Variants in SLC35F3 observed in about 807,000 individuals in gnomAD.
The protein encoded by SLC35F3 is putative thiamine transporter SLC35F3.
SLC35F3 carries 25 observed loss-of-function variants against 49.9 expected under a neutral mutation model. The ratio of observed to expected loss-of-function variants is 0.50; its 90% confidence interval spans 0.37 to 0.70. The LOEUF (loss-of-function observed/expected upper bound fraction) is 0.70, where lower values mean the gene tolerates loss of function less well. Among genes scored for constraint, SLC35F3 ranks in the 30% least tolerant of loss-of-function variants. SLC35F3 has a pLI of 0.00. For synonymous variants in SLC35F3, 275 were observed against 265.4 expected, an observed-to-expected ratio of 1.04 and a Z score of -0.35; for missense variants, 525 against 639.8, an observed-to-expected ratio of 0.82 and a Z score of 1.94.
chr1:234,310,258 G>A (rs762122885), intron 4 of SLC35F3, among the ~76,000 whole-genome samples: 5 of 152,134 alleles, frequency 3.3e-5, no homozygotes, highest in Admixed American at 2.0e-4. Context: ...GCTAAGAGCC[G>A]GTTTGAGGGG....
At chr1:234,058,370 G>T (rs1246838570) in intron 2 of SLC35F3, among the ~76,000 whole-genome samples, 6 of 111,836 alleles carry the variant, frequency 5.4e-5, no homozygotes, top group African/African-American at 2.8e-4. Flanking sequence ...AGTTAAACAG[G>T]GTCTCACCCT....
chr1:233,977,751 AAGTTGCCCAT>A (rs1383533977), intron 2 of SLC35F3, among the ~76,000 whole-genome samples: 3 of 152,140 alleles, frequency 2.0e-5, no homozygotes, highest in African/African-American at 7.2e-5. Context: ...TTTGCTTATT[AAGTTGCCCAT>A]AGTATTGCAG....
chr1:234,257,435 CTGATTTGATTT>C (rs1667837761), intron 3 of SLC35F3, among the ~76,000 whole-genome samples: 1 of 152,158 alleles, frequency 6.6e-6, no homozygotes, highest in Non-Finnish European at 1.5e-5. Flanking sequence ...CCATAGATTA[CTGATTTGATTT>C]TGTCTTTTTA....
intron 2 of SLC35F3, among the ~76,000 whole-genome samples, chr1:234,145,345 T>A (rs760113484): frequency 7.2e-5 from 11 of 152,316 alleles, no homozygotes; most frequent in Non-Finnish European, 1.0e-4. Context: ...ATTTAACTAG[T>A]CATCCAACAC....
intron 2 of SLC35F3, among the ~76,000 whole-genome samples, chr1:234,053,785 G>C (rs1572033957): frequency 6.6e-6 from 1 of 152,162 alleles, no homozygotes; most frequent in African/African-American, 2.4e-5. Context: ...GGTACCATTT[G>C]TTCCTTTCCA....
At chr1:233,977,119 A>G (rs1663105484) in intron 2 of SLC35F3, among the ~76,000 whole-genome samples, 1 of 152,162 alleles carries the variant, frequency 6.6e-6, no homozygotes, top group African/African-American at 2.4e-5. Context: ...CTCAGCCAGC[A>G]GTGTCCCATC....
intron 2 of SLC35F3, among the ~76,000 whole-genome samples, chr1:234,153,313 C>T (rs911478696): frequency 6.6e-6 from 1 of 152,074 alleles, no homozygotes; most frequent in Non-Finnish European, 1.5e-5. Context: ...ATAGATACAG[C>T]CCAGTGATAA....
intron 3 of SLC35F3, among the ~76,000 whole-genome samples, chr1:234,247,904 TAGGTTGGTTGGTC>T (rs1667666211): frequency 6.6e-6 from 1 of 152,136 alleles, no homozygotes; most frequent in African/African-American, 2.4e-5. Context: ...GTTTGGTGGG[TAGGTTGGTTGGTC>T]CATTGCTTGG....
At chr1:234,202,181 A>C (rs1666909884) in intron 2 of SLC35F3, among the ~76,000 whole-genome samples, 1 of 152,246 alleles carries the variant, frequency 6.6e-6, no homozygotes, top group African/African-American at 2.4e-5. Context: ...TGTTTCACTT[A>C]TAAGTCGGAA....
At chr1:233,937,967 G>A (rs1384857178) in intron 2 of SLC35F3, among the ~76,000 whole-genome samples, 1 of 152,164 alleles carries the variant, frequency 6.6e-6, no homozygotes, top group Non-Finnish European at 1.5e-5. Context: ...AAAGTAGTTT[G>A]CAGAATTCAG....
chr1:234,214,531 C>A lies in SLC35F3; in HGVS notation c.284-16886C>A, dbSNP rs760900788. ...AGCACTCGGCCCGGGTGGCCCCGCTCAGCGCCTGCAACAGTCCGGTCCTGA... is the reference window on the plus strand; with the variant it reads ...AGCACTCGGCCCGGGTGGCCCCGCTAAGCGCCTGCAACAGTCCGGTCCTGA... On this transcript the variant is annotated intron_variant, in intron 2 of 7. Coordinates refer to ENST00000366618, the MANE Select transcript of SLC35F3 (RefSeq NM_173508.4). This position sits in a 1 kb window ranked among gnomAD's most constrained non-coding sequence, Gnocchi z 8.0. 2.0e-5 allele frequency: 31 copies of A among 1,557,258 alleles called. No homozygotes were observed. The highest frequency in any genetic ancestry group is 2.6e-5 in the Non-Finnish European group (30 of 1,154,136).
At chr1:234,309,680 G>A (rs1289307323) in intron 4 of SLC35F3, among the ~76,000 whole-genome samples, 1 of 152,236 alleles carries the variant, frequency 6.6e-6, no homozygotes, top group Non-Finnish European at 1.5e-5. Context: ...GTAGGGCGTG[G>A]CATGACCGTG....
intron 2 of SLC35F3, among the ~76,000 whole-genome samples, chr1:233,945,447 T>A (rs543707113): frequency 6.6e-6 from 1 of 152,336 alleles, no homozygotes; most frequent in South Asian, 2.1e-4. Flanking sequence ...TCCACAAGGA[T>A]GTGTCTGGTT....
intron 2 of SLC35F3, among the ~76,000 whole-genome samples, chr1:234,181,916 G>A (rs942541696): frequency 6.6e-6 from 1 of 152,058 alleles, no homozygotes; most frequent in Non-Finnish European, 1.5e-5. Flanking sequence ...TTCATTAATT[G>A]ATCAGAGATT....
At chr1:234,126,802 C>T (rs1232733395) in intron 2 of SLC35F3, among the ~76,000 whole-genome samples, 1 of 152,188 alleles carries the variant, frequency 6.6e-6, no homozygotes, top group Non-Finnish European at 1.5e-5. Context: ...CTCAAGCTAT[C>T]TTCCCATCTC....
chr1:233,943,907 A>G (rs1270772749), intron 2 of SLC35F3, among the ~76,000 whole-genome samples: 3 of 152,188 alleles, frequency 2.0e-5, no homozygotes, highest in Admixed American at 6.5e-5. Flanking sequence ...GTTTCCTTAC[A>G]TGGAAATTGA....
At chr1:234,040,161 C>T (rs1177618254) in intron 2 of SLC35F3, among the ~76,000 whole-genome samples, 1 of 152,138 alleles carries the variant, frequency 6.6e-6, no homozygotes, top group Non-Finnish European at 1.5e-5. Context: ...GCAGGTCACT[C>T]TCCCCTGAAG....
chr1:234,037,622 T>C (rs1664162999), intron 2 of SLC35F3, among the ~76,000 whole-genome samples: 1 of 152,090 alleles, frequency 6.6e-6, no homozygotes, highest in Non-Finnish European at 1.5e-5. Context: ...GTCAGGTAGG[T>C]ATGGAAGAAA....
intron 4 of SLC35F3, among the ~76,000 whole-genome samples, chr1:234,316,174 A>C (rs1412844554): frequency 6.6e-6 from 1 of 152,232 alleles, no homozygotes; most frequent in Non-Finnish European, 1.5e-5. Flanking sequence ...GAAATACATA[A>C]AAGCAAGGTC....
Sources: gnomAD v4.1 joint callset for allele counts (sites outside exome capture counted in the v4.1 genomes callset) on GRCh38, gnomAD v4.1.1 for gene constraint, Gnocchi (gnomAD v3.1) non-coding constraint, MANE v1.5 for transcripts, NCBI Gene and HGNC (gene_info 2026-07-23, HGNC 2026-07-21) for gene names.